Variants in SCPEP1 observed in about 807,000 individuals in gnomAD.
SCPEP1 encodes the protein serine carboxypeptidase 1.
In SCPEP1, 51 loss-of-function variants were observed where a neutral mutation model predicts 63.8. That is an observed-to-expected ratio of 0.80 (90% CI 0.64 to 1.01). The LOEUF (loss-of-function observed/expected upper bound fraction) is 1.01, where lower values mean the gene tolerates loss of function less well. Among genes scored for constraint, SCPEP1 ranks in the 50% least tolerant of loss-of-function variants. SCPEP1 has a pLI of 0.00. For missense variants in SCPEP1, 499 were observed against 554.9 expected (o/e 0.90, Z 1.01); for synonymous variants, 204 against 207.8 (o/e 0.98, Z 0.16).
rs774218807 is a variant in SCPEP1 at position 56,991,078 on chromosome 17, G to A, written c.547-21G>A. 17 of 1,604,146 alleles carry A rather than the reference G, an allele frequency of 1.1e-5. 1 individual carries two copies. Among genetic ancestry groups the A allele is most frequent in the Middle Eastern group, 3.3e-4 (2 of 6,072 alleles). On this transcript the variant is annotated intron_variant, in intron 5 of 12. Coordinates refer to ENST00000262288, the MANE Select transcript of SCPEP1 (RefSeq NM_021626.3). Reference sequence around the variant, plus strand: ...GAGCCACTGCACCTGGCCTGAGGACGTTTCTTGTTTCCTCTTTCAGGCCAT... The same window carrying A: ...GAGCCACTGCACCTGGCCTGAGGACATTTCTTGTTTCCTCTTTCAGGCCAT...
In SCPEP1 at chr17:56,992,014, G is replaced by T. The variant is rs576322978; in HGVS notation, c.619+843G>T. On this transcript the variant is annotated intron_variant, in intron 6 of 12. Transcript: ENST00000262288. Reference sequence around the variant, plus strand: ...CAAACTATCGAGTTAGAAATCAGAAGAGAGGCTGCCTAGGGGCAAAGGAGG... The same window carrying T: ...CAAACTATCGAGTTAGAAATCAGAATAGAGGCTGCCTAGGGGCAAAGGAGG... Among the ~76,000 whole-genome samples, 20 of 152,350 alleles carry T rather than the reference G, an allele frequency of 1.3e-4. No individual in the cohort carries two copies. In the South Asian group the frequency reaches 3.9e-3, roughly 30 times the overall value.
intron 11 of SCPEP1, 26 bp downstream of exon 11, chr17:57,001,018 T>G: frequency 6.2e-7 from 1 of 1,613,644 alleles, no homozygotes; most frequent in Non-Finnish European, 8.5e-7. Flanking sequence ...GAGAGGCACC[T>G]AGAGGCAGTT....
chr17:56,998,230 G>C (rs1911629147), intron 9 of SCPEP1, 155 bp from the exon 10 acceptor site: 1 of 530,046 alleles, frequency 1.9e-6, no homozygotes, highest in Admixed American at 3.1e-5. Flanking sequence ...AAAATCGCTT[G>C]AACCCAGGAG....
chr17:56,995,232 A>G (rs1353509278), intron 7 of SCPEP1: 1 of 567,218 alleles, frequency 1.8e-6, no homozygotes, highest in East Asian at 2.9e-5. Context: ...TTTTCCAGAT[A>G]TAAGAAACAC....
intron 9 of SCPEP1, 60 bp from the exon 10 acceptor site, chr17:56,998,325 A>AT: frequency 8.8e-7 from 1 of 1,132,844 alleles, no homozygotes; most frequent in Non-Finnish European, 1.3e-6. Flanking sequence ...AAAAAAAAAA[A>AT]GATGTCCTCT....
At chr17:57,001,829 C>A (rs1911747044) in intron 11 of SCPEP1, among the ~76,000 whole-genome samples, 189 bp from the exon 12 acceptor site, 1 of 152,222 alleles carries the variant, frequency 6.6e-6, no homozygotes, top group South Asian at 2.1e-4. Context: ...CTAGGTTTCA[C>A]TGGGAGTCAG....
chr17:56,990,198 C>T (rs375635116), intron 5 of SCPEP1, among the ~76,000 whole-genome samples: 11 of 152,242 alleles, frequency 7.2e-5, no homozygotes, highest in East Asian at 5.8e-4. Context: ...TATGCTGTGA[C>T]GGCAAACAAA....
At chr17:56,985,338 T>C in intron 2 of SCPEP1, 40 bp from the exon 3 acceptor site, 1 of 1,498,096 alleles carries the variant, frequency 6.7e-7, no homozygotes, top group African/African-American at 1.4e-5. Flanking sequence ...AAGACTAAGA[T>C]CTGACTAAAA....
intron 3 of SCPEP1, among the ~76,000 whole-genome samples, chr17:56,986,221 C>CTTTTTTTTTTTTTT (rs869281244): frequency 7.0e-6 from 1 of 142,168 alleles, no homozygotes; most frequent in African/African-American, 2.6e-5. Flanking sequence ...GCTTTCTGCT[C>CTTTTTTTTTTTTTT]TTTTTTTTTT....
At position 57,006,755 on chromosome 17, in the gene SCPEP1, T is replaced by G. The variant is rs1340739239; in HGVS notation, c.*520T>G. The G allele has an allele frequency of 2.0e-5, 3 of 152,200 alleles. No individual in the cohort carries two copies. Among genetic ancestry groups the G allele is most frequent in the Non-Finnish European group, 4.4e-5 (3 of 68,036 alleles). The allele number at this position is 152,200 out of a possible 1,614,324, so 9.4% of individuals were successfully genotyped here. On this transcript the variant is annotated 3_prime_UTR_variant, in exon 13 of 13. Coordinates refer to ENST00000262288, the MANE Select transcript of SCPEP1 (RefSeq NM_021626.3). ...CTTTTCATGTCAATAAATGTTCTTCTCTAACATTTTTAATGGCTGTGGAGC... is the reference window on the plus strand; with the variant it reads ...CTTTTCATGTCAATAAATGTTCTTCGCTAACATTTTTAATGGCTGTGGAGC...
Position 56,985,466 on chromosome 17 carries a change from G to A in SCPEP1, c.314G>A (p.Trp105Ter). 6.2e-7 allele frequency: 1 copy of A among 1,612,374 alleles called. No homozygotes were observed. Among genetic ancestry groups the A allele is most frequent in the South Asian group, 1.1e-5 (1 of 91,048 alleles). ...DSDLKPRKTT[W>*]LQAASLLFVD... ...GATCTCAAACCACGGAAAACCACCTGGGTACAGTGAGGACAGTCCTGAGCT... is the reference window on the plus strand; with the variant it reads ...GATCTCAAACCACGGAAAACCACCTAGGTACAGTGAGGACAGTCCTGAGCT... Residue 105 changes from tryptophan to a stop codon, truncating the protein, a stop_gained and splice_region_variant, in exon 3 of 13, where the codon TGG becomes TAG. Coordinates refer to ENST00000262288, the MANE Select transcript of SCPEP1 (RefSeq NM_021626.3). LOFTEE classifies it high-confidence loss of function.
intron 9 of SCPEP1, 59 bp downstream of exon 9, chr17:56,997,114 T>A (rs1366002567): frequency 8.6e-6 from 9 of 1,040,654 alleles, no homozygotes; most frequent in Non-Finnish European, 1.3e-5. Flanking sequence ...AAAAGAAACC[T>A]GTTTATTAAA....
At chr17:56,980,659 A>G (rs927868347) in intron 1 of SCPEP1, among the ~76,000 whole-genome samples, 17 of 152,156 alleles carry the variant, frequency 1.1e-4, no homozygotes, top group African/African-American at 3.6e-4. Context: ...GTGGTGGTGC[A>G]TGCCTGTAAT....
At chr17:56,995,798 T>C (rs1911531513) in intron 8 of SCPEP1, 163 bp downstream of exon 8, 2 of 657,118 alleles carry the variant, frequency 3.0e-6, no homozygotes, top group South Asian at 4.8e-5. Flanking sequence ...AGCAGTGATG[T>C]AGTGGCTCCT....
At chr17:56,982,289 C>T (rs1448159279) in intron 2 of SCPEP1, among the ~76,000 whole-genome samples, 1 of 152,160 alleles carries the variant, frequency 6.6e-6, no homozygotes, top group Non-Finnish European at 1.5e-5. Flanking sequence ...GCTACTGGGA[C>T]GTCTTCCAAC....
intron 6 of SCPEP1, among the ~76,000 whole-genome samples, chr17:56,991,802 T>C (rs1911407667): frequency 6.6e-6 from 1 of 152,238 alleles, no homozygotes; most frequent in Non-Finnish European, 1.5e-5. Context: ...GGTCATATAG[T>C]TCTTTTTGTG....
rs1911898051 is a variant in SCPEP1 at position 57,006,399 on chromosome 17, C to A, written c.*164C>A. 4.6e-6 allele frequency: 2 copies of A among 438,766 alleles called. No individual in the cohort carries two copies. The highest frequency in any genetic ancestry group is 8.1e-6 in the Non-Finnish European group (2 of 245,526). The allele number at this position is 438,766 out of a possible 1,614,324, so 27.2% of individuals were successfully genotyped here. Reference sequence around the variant, plus strand: ...AGGATAAAATCATTGTCTCTGGAGGCAATTTGGAAATTATTTCTGCTTCTT... The same window carrying A: ...AGGATAAAATCATTGTCTCTGGAGGAAATTTGGAAATTATTTCTGCTTCTT... On this transcript the variant is annotated 3_prime_UTR_variant, in exon 13 of 13. Transcript: ENST00000262288.
Position 56,985,369 on chromosome 17 carries a change from CT to C in SCPEP1, c.226-7del. The C allele has an allele frequency of 4.3e-6, 7 of 1,612,760 alleles. No homozygotes were observed. Among genetic ancestry groups the C allele is most frequent in the Non-Finnish European group, 5.9e-6 (7 of 1,178,842 alleles). The stretch of plus-strand genomic sequence containing the variant: ...TAAAATTTTTGTTTGTTTCTTCTCT[CT>C]TCCATAGGGCGGTCCAGGCGGTTCT... On this transcript the variant is annotated splice_region_variant and splice_polypyrimidine_tract_variant and intron_variant, in intron 2 of 12. Coordinates refer to ENST00000262288, the MANE Select transcript of SCPEP1 (RefSeq NM_021626.3).
intron 9 of SCPEP1, among the ~76,000 whole-genome samples, chr17:56,997,740 A>G (rs551557118): frequency 2.6e-5 from 4 of 151,906 alleles, no homozygotes; most frequent in Admixed American, 1.3e-4. Flanking sequence ...TTTTGAACCA[A>G]TTTTGACAAA....
Sources: gnomAD v4.1 joint callset for allele counts (sites outside exome capture counted in the v4.1 genomes callset) on GRCh38, gnomAD v4.1.1 for gene constraint, MANE v1.5 for transcripts, NCBI Gene and HGNC (gene_info 2026-07-23, HGNC 2026-07-21) for gene names.